The following NCKAP5 variants were observed in gnomAD, a reference collection of about 807,000 sequenced individuals.
NCKAP5 encodes nck-associated protein 5.
A neutral mutation model predicts 167.0 loss-of-function variants in NCKAP5; 92 were observed. The observed-to-expected ratio is 0.55, with a 90% CI of 0.47 to 0.66. The LOEUF (loss-of-function observed/expected upper bound fraction) is 0.66, where lower values mean the gene tolerates loss of function less well. Ranked by LOEUF, NCKAP5 falls within the 30% of genes least tolerant of loss-of-function variation. The probability of loss-of-function intolerance (pLI) is 0.00; values close to 1 mark genes in which losing one functional copy is unlikely to be tolerated. For synonymous variants in NCKAP5, 891 were observed against 877.4 expected (o/e 1.02, Z -0.27); for missense variants, 2,378 against 2,315.0 (o/e 1.03, Z -0.56).
intron 3 of NCKAP5, among the ~76,000 whole-genome samples, chr2:133,321,288 C>A (rs1367666136): frequency 6.6e-6 from 1 of 152,188 alleles, no homozygotes; most frequent in Admixed American, 6.5e-5. Flanking sequence ...GTGGGACTAG[C>A]ACTTTACCTA....
At chr2:133,612,258 A>T in the NCKAP5 span, among the ~76,000 whole-genome samples, 1 of 152,196 alleles carries the variant, frequency 6.6e-6, no homozygotes, top group Non-Finnish European at 1.5e-5. Context: ...GTTATTGTAT[A>T]AAAGAAACAA....
intron 5 of NCKAP5, among the ~76,000 whole-genome samples, chr2:133,167,372 G>A (rs1223408071): frequency 6.6e-6 from 1 of 152,136 alleles, no homozygotes; most frequent in Non-Finnish European, 1.5e-5. Flanking sequence ...TAATCCCAGT[G>A]TAAGTCATTT....
chr2:133,253,554 C>G (rs2150345977), intron 4 of NCKAP5, among the ~76,000 whole-genome samples: 1 of 152,258 alleles, frequency 6.6e-6, no homozygotes, highest in African/African-American at 2.4e-5. Context: ...CTCCCTCACC[C>G]CCCGTTTCAT....
At chr2:133,434,435 T>A (rs72846351) in intron 3 of NCKAP5, among the ~76,000 whole-genome samples, 16,590 of 152,238 alleles carry the variant, frequency 0.11, 964 homozygotes, top group Middle Eastern at 0.19. Flanking sequence ...GTCAAGAACA[T>A]AGGCTGAAGC....
intron 8 of NCKAP5, among the ~76,000 whole-genome samples, chr2:132,956,486 T>C (rs6713080): frequency 0.092 from 13,975 of 152,214 alleles, 1,908 homozygotes; most frequent in African/African-American, 0.3. Context: ...TGGTTTCATC[T>C]CCCTAGCCTG....
intron 6 of NCKAP5, chr2:133,116,861 T>G (rs1432747252): frequency 6.6e-6 from 1 of 151,958 alleles, no homozygotes; most frequent in African/African-American, 2.4e-5. Flanking sequence ...AGTTCCTCAC[T>G]GGTCTATAAT....
intron 3 of NCKAP5, among the ~76,000 whole-genome samples, chr2:133,307,470 T>C (rs1288144613): frequency 6.6e-6 from 1 of 151,034 alleles, no homozygotes; most frequent in Non-Finnish European, 1.5e-5. Context: ...CGGAAAACAA[T>C]CCACACATCT....
At chr2:133,408,840 T>C (rs980164802) in intron 3 of NCKAP5, among the ~76,000 whole-genome samples, 1 of 152,162 alleles carries the variant, frequency 6.6e-6, no homozygotes, top group Non-Finnish European at 1.5e-5. Flanking sequence ...GTAGTGGGGC[T>C]GCCACTGGAG....
At chr2:133,625,127 A>G in the NCKAP5 span, among the ~76,000 whole-genome samples, 1 of 152,198 alleles carries the variant, frequency 6.6e-6, no homozygotes, top group Admixed American at 6.5e-5. Flanking sequence ...AGACTATTGC[A>G]TGTGTATTGT....
intron 6 of NCKAP5, among the ~76,000 whole-genome samples, chr2:133,020,143 T>C (rs558855667): frequency 2.6e-5 from 4 of 152,384 alleles, no homozygotes; most frequent in African/African-American, 9.6e-5. Context: ...TAAGTGCTGC[T>C]GTAGACATTG....
In NCKAP5 at chr2:133,174,866, G is replaced by A. The variant is rs140871552; in HGVS notation, c.207+38850C>T. ...CATGCGTGTTTACTTCTACACCACC[G>A]CAGATGCATCATGAGGGTAGATCCC... On this transcript the variant is annotated intron_variant, in intron 5 of 19. Coordinates refer to ENST00000409261, the MANE Select transcript of NCKAP5 (RefSeq NM_207363.3). 1.7e-3 allele frequency among the ~76,000 whole-genome samples: 253 copies of A among 152,102 alleles called. 1 individual carries two copies. Among genetic ancestry groups the A allele is most frequent in the African/African-American group, 5.9e-3 (243 of 41,466 alleles).
rs1454241431 is a variant in NCKAP5, at chr2:133,459,230, G to GA, written c.69+58227dup. Reference sequence around the variant, plus strand: ...TTTGTACAATTCTCTCAAATTGATAGAGACGGGGTCTCACTTTGTTGCTCA... The same window carrying GA: ...TTTGTACAATTCTCTCAAATTGATAGAAGACGGGGTCTCACTTTGTTGCTCA... On this transcript the variant is annotated intron_variant, in intron 3 of 19. Transcript: ENST00000409261. Among the ~76,000 whole-genome samples, 4 of 152,178 alleles carry GA rather than the reference G, an allele frequency of 2.6e-5. No individual in the cohort carries two copies. The East Asian group carries it at 7.7e-4, about 29-fold the overall frequency.
intron 3 of NCKAP5, among the ~76,000 whole-genome samples, chr2:133,389,083 G>C (rs1226954308): frequency 6.6e-6 from 1 of 152,152 alleles, no homozygotes; most frequent in Non-Finnish European, 1.5e-5. Flanking sequence ...GATGAACCCG[G>C]TACCTCAGTT....
chr2:133,303,177 C>A, intron 3 of NCKAP5, 67 bp from the exon 4 acceptor site: 1 of 1,080,600 alleles, frequency 9.3e-7, no homozygotes. Flanking sequence ...AGACCCTGAC[C>A]TTATCTCTAC....
intron 3 of NCKAP5, among the ~76,000 whole-genome samples, chr2:133,430,744 A>G (rs1265958484): frequency 1.3e-5 from 2 of 151,792 alleles, no homozygotes; most frequent in Admixed American, 6.6e-5. Flanking sequence ...CTATTTTTGT[A>G]CCAGCACCAA....
chr2:132,719,983 T>A (rs1401022179), intron 19 of NCKAP5, among the ~76,000 whole-genome samples: 2 of 152,174 alleles, frequency 1.3e-5, no homozygotes, highest in Admixed American at 1.3e-4. Context: ...AACAGAAGCT[T>A]GGGAGAGCTG....
At chr2:132,937,165 G>A (rs1022506028) in intron 8 of NCKAP5, among the ~76,000 whole-genome samples, 1 of 152,130 alleles carries the variant, frequency 6.6e-6, no homozygotes, top group Non-Finnish European at 1.5e-5. Flanking sequence ...GGAACTTCTG[G>A]TTCTTCTTGC....
chr2:133,586,284 T>A, the NCKAP5 span, among the ~76,000 whole-genome samples: 1 of 152,126 alleles, frequency 6.6e-6, no homozygotes, highest in African/African-American at 2.4e-5. Context: ...TGCGGCCCAA[T>A]AATGTCCACC....
intron 3 of NCKAP5, among the ~76,000 whole-genome samples, chr2:133,336,442 C>T (rs965764304): frequency 6.6e-6 from 1 of 151,976 alleles, no homozygotes; most frequent in African/African-American, 2.4e-5. Flanking sequence ...GCACAAGGCT[C>T]GAGCTTCATG....
Sources: gnomAD v4.1 joint callset for allele counts (sites outside exome capture counted in the v4.1 genomes callset) on GRCh38, gnomAD v4.1.1 for gene constraint, MANE v1.5 for transcripts, NCBI Gene and HGNC (gene_info 2026-07-23, HGNC 2026-07-21) for gene names.